The following EXOC4 variants were observed in gnomAD, a reference collection of about 807,000 sequenced individuals.
EXOC4 encodes SEC8-like 1.
EXOC4 carries 71 observed loss-of-function variants against 107.2 expected under a neutral mutation model. That is an observed-to-expected ratio of 0.66 (90% CI 0.55 to 0.81). EXOC4 has a LOEUF of 0.81. EXOC4 is among the 30% of genes least tolerant of loss of function. The probability of loss-of-function intolerance (pLI) is 0.00; values close to 1 mark genes in which losing one functional copy is unlikely to be tolerated. For missense variants in EXOC4, 1,108 were observed against 1,189.6 expected, an observed-to-expected ratio of 0.93 and a Z score of 1.01; for synonymous variants, 456 against 441.2, an observed-to-expected ratio of 1.03 and a Z score of -0.42.
chr7:133,585,813 C>T (rs1198979592), intron 9 of EXOC4, among the ~76,000 whole-genome samples: 2 of 152,096 alleles, frequency 1.3e-5, no homozygotes, highest in African/African-American at 4.8e-5. Flanking sequence ...TCTGCCTCTG[C>T]CTCCCTTTTA....
intron 7 of EXOC4, among the ~76,000 whole-genome samples, chr7:133,389,306 C>A (rs976275053): frequency 1.2e-4 from 18 of 152,114 alleles, no homozygotes; most frequent in Middle Eastern, 6.8e-3. Context: ...CATGGTGGCT[C>A]ATGCCTGTAA....
intron 7 of EXOC4, among the ~76,000 whole-genome samples, chr7:133,460,584 T>A (rs979050227): frequency 6.6e-6 from 1 of 151,618 alleles, no homozygotes; most frequent in Non-Finnish European, 1.5e-5. Context: ...GATGTGGAAA[T>A]TTTTTTTTGG....
chr7:133,761,987 C>T (rs1400174884), intron 10 of EXOC4, among the ~76,000 whole-genome samples: 4 of 152,174 alleles, frequency 2.6e-5, no homozygotes, highest in Admixed American at 1.3e-4. Context: ...TCTTCTCTGC[C>T]TCAAGCTCAG....
At chr7:133,627,981 C>T (rs1374245524) in intron 9 of EXOC4, among the ~76,000 whole-genome samples, 1 of 152,084 alleles carries the variant, frequency 6.6e-6, no homozygotes, top group African/African-American at 2.4e-5. Context: ...AGTCGATTTC[C>T]AAGATGCCCA....
chr7:133,303,538 G>C (rs1371648992), intron 3 of EXOC4, among the ~76,000 whole-genome samples: 1 of 152,216 alleles, frequency 6.6e-6, no homozygotes, highest in Non-Finnish European at 1.5e-5. Context: ...GTACCACTTA[G>C]TATGGTTAGA....
At chr7:133,449,551 C>A (rs566288018) in intron 7 of EXOC4, among the ~76,000 whole-genome samples, 1 of 152,252 alleles carries the variant, frequency 6.6e-6, no homozygotes, top group Non-Finnish European at 1.5e-5. Context: ...TTAGTCTTCT[C>A]ACATTTAGTG....
chr7:133,810,610 A>G lies in EXOC4; in HGVS notation c.1515-6715A>G, dbSNP rs1342886521. Among the ~76,000 whole-genome samples, 3 of 149,286 alleles carry G rather than the reference A, an allele frequency of 2.0e-5. No individual in the cohort carries two copies. In the South Asian group the frequency reaches 6.5e-4, roughly 32 times the overall value. ...TCCATGCTTTGCTTTATTTTATTTT[A>G]TTTTATTTTATTTTATTTTATTTTA... On this transcript the variant is annotated intron_variant, in intron 10 of 17. Transcript: ENST00000253861.
chr7:133,434,788 T>G (rs1433176021), intron 7 of EXOC4, among the ~76,000 whole-genome samples: 1 of 152,218 alleles, frequency 6.6e-6, no homozygotes, highest in Non-Finnish European at 1.5e-5. Flanking sequence ...TCATAATAGA[T>G]AAATCCATAT....
At chr7:133,910,511 A>G (rs1799669703) in intron 12 of EXOC4, among the ~76,000 whole-genome samples, 1 of 152,198 alleles carries the variant, frequency 6.6e-6, no homozygotes, top group South Asian at 2.1e-4. Flanking sequence ...TCTGACCAGC[A>G]TTGAGTATGG....
At chr7:133,684,809 A>G (rs1794260972) in intron 10 of EXOC4, among the ~76,000 whole-genome samples, 1 of 152,190 alleles carries the variant, frequency 6.6e-6, no homozygotes, top group Non-Finnish European at 1.5e-5. Flanking sequence ...AGCCTCAGGA[A>G]CCTAGAGGTC....
Position 133,973,518 on chromosome 7 carries a change from G to A in EXOC4, c.2207-23974G>A, listed in dbSNP as rs78425592. ...CATATTCAGTAGGGCTACATTGCAG[G>A]GCTTACTATAGGGGAGCAGCAAGAA... is the stretch of plus-strand genomic sequence containing the variant. On this transcript the variant is annotated intron_variant, in intron 14 of 17. Transcript: ENST00000253861. Among the ~76,000 whole-genome samples, 737 of 152,214 alleles carry A rather than the reference G, an allele frequency of 4.8e-3. 4 individuals are homozygous for A. Among genetic ancestry groups the A allele is most frequent in the Middle Eastern group, 0.02 (6 of 294 alleles).
intron 2 of EXOC4, among the ~76,000 whole-genome samples, chr7:133,280,196 A>G (rs1046257536): frequency 2.0e-5 from 3 of 152,224 alleles, no homozygotes; most frequent in African/African-American, 7.2e-5. Flanking sequence ...ACCATGTACA[A>G]TTGATCAGGT....
chr7:133,254,399 TGTGACAATACGCA>T (rs1794965442), intron 1 of EXOC4, among the ~76,000 whole-genome samples: 1 of 152,366 alleles, frequency 6.6e-6, no homozygotes, highest in East Asian at 1.9e-4. Flanking sequence ...ACATTCTCGC[TGTGACAATACGCA>T]GGTAGTGTAG....
Position 134,038,860 on chromosome 7 carries a change from G to T in EXOC4, c.2688-25431G>T, listed in dbSNP as rs182542779. 9.2e-5 allele frequency among the ~76,000 whole-genome samples: 14 copies of T among 152,262 alleles called. No individual in the cohort carries two copies. In the East Asian group the frequency reaches 1.5e-3, roughly 17 times the overall value. ...TCTTCCTAGGTCTTGACTAGGTCTA[G>T]GTCAGGATGCTGAGAATCAAGATGA... On this transcript the variant is annotated intron_variant, in intron 17 of 17. Transcript: ENST00000253861.
chr7:133,809,163 A>T (rs1217894600), intron 10 of EXOC4, among the ~76,000 whole-genome samples: 1 of 152,190 alleles, frequency 6.6e-6, no homozygotes, highest in Non-Finnish European at 1.5e-5. Flanking sequence ...CCAAAACTCA[A>T]AATCAAAGGT....
intron 11 of EXOC4, among the ~76,000 whole-genome samples, chr7:133,830,711 A>G (rs943357375): frequency 1.3e-5 from 2 of 152,192 alleles, no homozygotes; most frequent in Non-Finnish European, 2.9e-5. Flanking sequence ...TATTATATTA[A>G]TATCTTACAC....
chr7:133,385,019 G>T (rs916976999), intron 7 of EXOC4, among the ~76,000 whole-genome samples: 1 of 152,120 alleles, frequency 6.6e-6, no homozygotes, highest in Non-Finnish European at 1.5e-5. Flanking sequence ...ACTTTATTAT[G>T]TATCTGGCAC....
intron 11 of EXOC4, among the ~76,000 whole-genome samples, chr7:133,822,448 G>A (rs1471494883): frequency 1.3e-5 from 2 of 152,050 alleles, no homozygotes; most frequent in African/African-American, 2.4e-5. Context: ...TGCTGAATAG[G>A]CAACTATCTA....
intron 9 of EXOC4, among the ~76,000 whole-genome samples, chr7:133,533,176 A>G (rs1034876917): frequency 6.6e-6 from 1 of 152,164 alleles, no homozygotes; most frequent in Non-Finnish European, 1.5e-5. Flanking sequence ...TTAGAAGGCC[A>G]CTTAACCATT....
Sources: allele counts gnomAD v4.1 joint callset (sites outside exome capture counted in the v4.1 genomes callset), GRCh38; gene constraint gnomAD v4.1.1; transcripts MANE v1.5; gene names NCBI Gene and HGNC (gene_info 2026-07-23, HGNC 2026-07-21).